EPB41L2: variants seen among roughly 807,000 people sequenced by gnomAD.
The protein encoded by EPB41L2 is erythrocyte membrane protein band 4.1 like 2.
A neutral mutation model predicts 113.0 loss-of-function variants in EPB41L2; 43 were observed. The observed-to-expected ratio is 0.38, with a 90% confidence interval of 0.30 to 0.49. The LOEUF is 0.49. Among genes scored for constraint, EPB41L2 ranks in the 20% least tolerant of loss-of-function variants. The pLI, the probability that EPB41L2 is intolerant of heterozygous loss-of-function variation, is 0.95. For synonymous variants in EPB41L2, 442 were observed against 436.7 expected (o/e 1.01, Z -0.15); for missense variants, 1,147 against 1,223.4 (o/e 0.94, Z 0.93).
chr6:131,006,650 G>T, intron 1 of EPB41L2, among the ~76,000 whole-genome samples: 1 of 145,270 alleles, frequency 6.9e-6, no homozygotes, highest in East Asian at 2.2e-4. Flanking sequence ...ACTGGGTGAC[G>T]GACTGAGACT....
intron 17 of EPB41L2, 32 bp downstream of exon 17, chr6:130,865,504 T>G: frequency 6.3e-7 from 1 of 1,591,970 alleles, no homozygotes; most frequent in Admixed American, 1.7e-5. Context: ...TAATGTACCA[T>G]CCTCTCCATA....
intron 19 of EPB41L2, among the ~76,000 whole-genome samples, chr6:130,845,351 G>A (rs547054002): frequency 7.9e-5 from 12 of 151,146 alleles, no homozygotes; most frequent in African/African-American, 2.7e-4. Flanking sequence ...AGTCGAAGCA[G>A]AGGAATCAAA....
At chr6:131,004,722 T>C (rs1464803305) in intron 1 of EPB41L2, among the ~76,000 whole-genome samples, 2 of 152,100 alleles carry the variant, frequency 1.3e-5, no homozygotes, top group Non-Finnish European at 2.9e-5. Flanking sequence ...GTGTGAACTC[T>C]GAACTCCAAC....
chr6:130,931,390 T>C (rs1273959464), intron 3 of EPB41L2, among the ~76,000 whole-genome samples: 1 of 151,614 alleles, frequency 6.6e-6, no homozygotes, highest in East Asian at 1.9e-4. Context: ...AGAAGGAAAA[T>C]TGTAACAAAA....
chr6:130,936,926 G>A (rs542579541), intron 3 of EPB41L2, among the ~76,000 whole-genome samples: 9 of 152,286 alleles, frequency 5.9e-5, no homozygotes, highest in Middle Eastern at 3.4e-3. Flanking sequence ...CATCAGACCC[G>A]CTGAATTAGA....
chr6:130,844,498 G>A (rs1036809236), intron 19 of EPB41L2, among the ~76,000 whole-genome samples: 13 of 152,154 alleles, frequency 8.5e-5, no homozygotes, highest in African/African-American at 2.9e-4. Flanking sequence ...CTTGAAGCTG[G>A]GAGTCGAAGG....
At chr6:130,917,377 T>C (rs1292470522) in intron 4 of EPB41L2, among the ~76,000 whole-genome samples, 2 of 152,210 alleles carry the variant, frequency 1.3e-5, no homozygotes, top group East Asian at 3.8e-4. Context: ...AGAATCCTGT[T>C]AATAAGTTGG....
At chr6:130,917,344 C>T (rs1052425211) in intron 4 of EPB41L2, among the ~76,000 whole-genome samples, 11 of 152,192 alleles carry the variant, frequency 7.2e-5, no homozygotes, top group African/African-American at 2.7e-4. Context: ...CTGTGTCCAT[C>T]TACACACCAT....
At position 131,006,675 on chromosome 6, in the gene EPB41L2, A is replaced by T. The variant is rs936945518; in HGVS notation, c.-14-50176T>A. ...GGACTGAGACTCTATCTCAAAAAAAAAAAAAAGATTCATTACAAGTTCCAT... is the reference window on the plus strand; with the variant it reads ...GGACTGAGACTCTATCTCAAAAAAATAAAAAAGATTCATTACAAGTTCCAT... On this transcript the variant is annotated intron_variant, in intron 1 of 19. Coordinates refer to ENST00000337057, the MANE Select transcript of EPB41L2 (RefSeq NM_001431.4). Among the ~76,000 whole-genome samples the T allele has an allele frequency of 3.3e-5, 5 of 152,134 alleles. No homozygotes were observed. The South Asian group carries it at 1.0e-3, about 32-fold the overall frequency.
chr6:130,889,735 A>C (rs1476344882), intron 11 of EPB41L2, among the ~76,000 whole-genome samples: 1 of 152,190 alleles, frequency 6.6e-6, no homozygotes, highest in African/African-American at 2.4e-5. Context: ...GAACCACATA[A>C]AACACATCAT....
At chr6:130,976,361 T>A (rs1476706452) in intron 1 of EPB41L2, among the ~76,000 whole-genome samples, 1 of 152,218 alleles carries the variant, frequency 6.6e-6, no homozygotes, top group African/African-American at 2.4e-5. Context: ...TAAACCAGAA[T>A]AATGTATACA....
At chr6:130,863,455 T>C (rs1782770922) in intron 18 of EPB41L2, among the ~76,000 whole-genome samples, 183 bp downstream of exon 18, 1 of 152,224 alleles carries the variant, frequency 6.6e-6, no homozygotes, top group Non-Finnish European at 1.5e-5. Flanking sequence ...AATCTGTGTT[T>C]TATTCTGATT....
intron 10 of EPB41L2, among the ~76,000 whole-genome samples, chr6:130,892,069 T>C (rs1793068424): frequency 6.6e-6 from 1 of 152,228 alleles, no homozygotes; most frequent in African/African-American, 2.4e-5. Flanking sequence ...AGGAGCAAAT[T>C]GGTCTACTTT....
chr6:130,931,349 A>C (rs1275177014), intron 3 of EPB41L2, among the ~76,000 whole-genome samples: 1 of 152,170 alleles, frequency 6.6e-6, no homozygotes, highest in Non-Finnish European at 1.5e-5. Context: ...GAGGGAATGA[A>C]ACATAAGCTA....
intron 1 of EPB41L2, among the ~76,000 whole-genome samples, chr6:130,980,313 G>C (rs181465646): frequency 6.6e-6 from 1 of 152,284 alleles, no homozygotes; most frequent in African/African-American, 2.4e-5. Flanking sequence ...GTATGTTTAG[G>C]CTGTTTTTGT....
At chr6:131,008,620 T>C (rs1308401397) in intron 1 of EPB41L2, among the ~76,000 whole-genome samples, 1 of 152,158 alleles carries the variant, frequency 6.6e-6, no homozygotes, top group Non-Finnish European at 1.5e-5. Context: ...AGACACTCAA[T>C]GCAAGCCCAT....
At chr6:130,996,107 T>C (rs934221974) in intron 1 of EPB41L2, among the ~76,000 whole-genome samples, 1 of 152,104 alleles carries the variant, frequency 6.6e-6, no homozygotes, top group Admixed American at 6.6e-5. Context: ...CCTTGGAGGG[T>C]TTCCTCTCAC....
chr6:130,978,623 A>G (rs145036446), intron 1 of EPB41L2: 85 of 152,312 alleles, frequency 5.6e-4, no homozygotes, highest in African/African-American at 1.9e-3. Flanking sequence ...CTGCCCATGA[A>G]ATCTTGATTT....
intron 19 of EPB41L2, among the ~76,000 whole-genome samples, chr6:130,857,548 T>C (rs1224962173): frequency 7.7e-6 from 1 of 129,208 alleles, no homozygotes; most frequent in Non-Finnish European, 1.6e-5. Flanking sequence ...CTCAGATGTA[T>C]CTTTTTTTTT....
Sources: allele counts gnomAD v4.1 joint callset (sites outside exome capture counted in the v4.1 genomes callset), GRCh38; gene constraint gnomAD v4.1.1; transcripts MANE v1.5; gene names NCBI Gene and HGNC (gene_info 2026-07-23, HGNC 2026-07-21).